Variants in PRKCH observed in about 807,000 individuals in gnomAD.
PRKCH encodes the protein protein kinase C eta.
In PRKCH, 28 loss-of-function variants were observed where a neutral mutation model predicts 82.5. The observed-to-expected ratio is 0.34, with a 90% CI of 0.25 to 0.47. The LOEUF (loss-of-function observed/expected upper bound fraction) is 0.47. Ranked by LOEUF, PRKCH falls within the 20% of genes least tolerant of loss-of-function variation. The pLI is 1.00. For missense variants in PRKCH, 705 were observed against 881.8 expected (o/e 0.80, Z 2.54); for synonymous variants, 322 against 327.4 (o/e 0.98, Z 0.18).
chr14:61,409,624 G>A lies in PRKCH; in HGVS notation c.427+18336G>A, dbSNP rs1882157825. 1.3e-5 allele frequency among the ~76,000 whole-genome samples: 2 copies of A among 148,816 alleles called. 1 individual carries two copies. The highest frequency in any genetic ancestry group is 4.3e-4 in the South Asian group (2 of 4,636). ...GCAAGAAGATTGCCTGAACCCAGAG[G>A]TTTGAGGCTGCAGTGAGCCATGATT... On this transcript the variant is annotated intron_variant, in intron 2 of 13. Coordinates refer to ENST00000332981, the MANE Select transcript of PRKCH (RefSeq NM_006255.5).
intron 1 of PRKCH, among the ~76,000 whole-genome samples, chr14:61,267,426 A>G: frequency 6.6e-6 from 1 of 152,264 alleles, no homozygotes; most frequent in East Asian, 1.9e-4. Context: ...GCATCCTTCC[A>G]GTGAGGTATA....
At chr14:61,311,506 C>T (rs934522678) in intron 1 of PRKCH, among the ~76,000 whole-genome samples, 1 of 152,188 alleles carries the variant, frequency 6.6e-6, no homozygotes, top group Non-Finnish European at 1.5e-5. Flanking sequence ...CAAACTATCC[C>T]ATATCTTCCT....
chr14:61,270,124 T>C (rs1169067567), intron 1 of PRKCH, among the ~76,000 whole-genome samples: 2 of 152,144 alleles, frequency 1.3e-5, no homozygotes, highest in Non-Finnish European at 2.9e-5. Flanking sequence ...ATTTCTGTCT[T>C]AGGGTTAATT....
At chr14:61,315,546 A>C (rs1566816304) in intron 1 of PRKCH, among the ~76,000 whole-genome samples, 1 of 152,292 alleles carries the variant, frequency 6.6e-6, no homozygotes, top group East Asian at 1.9e-4. Flanking sequence ...GAAGTGTACC[A>C]TGTGCCTGGC....
chr14:61,444,139 A>G (rs996028090), intron 3 of PRKCH, among the ~76,000 whole-genome samples: 2 of 152,184 alleles, frequency 1.3e-5, no homozygotes, highest in Non-Finnish European at 2.9e-5. Context: ...AACAGTCAGA[A>G]CCTAGGGCTA....
At chr14:61,279,606 G>A (rs1594887818) in intron 1 of PRKCH, 2 of 154,532 alleles carry the variant, frequency 1.3e-5, no homozygotes, top group Non-Finnish European at 2.9e-5. Flanking sequence ...GTCTCTGCAG[G>A]TAATTTGTGG....
intron 2 of PRKCH, among the ~76,000 whole-genome samples, chr14:61,411,413 T>G (rs1410647350): frequency 6.6e-6 from 1 of 152,188 alleles, no homozygotes; most frequent in Non-Finnish European, 1.5e-5. Flanking sequence ...ATTTTTCAGT[T>G]TAAAACCTAT....
At chr14:61,461,208 C>G (rs991327009) in intron 9 of PRKCH, among the ~76,000 whole-genome samples, 1 of 152,172 alleles carries the variant, frequency 6.6e-6, no homozygotes. Context: ...CCCTGGAGCT[C>G]CAGTTCTCCC....
At chr14:61,438,142 C>T (rs1470265297) in intron 2 of PRKCH, among the ~76,000 whole-genome samples, 1 of 151,978 alleles carries the variant, frequency 6.6e-6, no homozygotes, top group East Asian at 1.9e-4. Flanking sequence ...AACAACTTGC[C>T]CAGGGCCACC....
intron 2 of PRKCH, among the ~76,000 whole-genome samples, chr14:61,424,455 G>A (rs1883007227): frequency 6.6e-6 from 1 of 152,236 alleles, no homozygotes; most frequent in Non-Finnish European, 1.5e-5. Flanking sequence ...AGATGGAGAT[G>A]AGGAACTTCT....
At chr14:61,482,452 C>A (rs1013289243) in intron 9 of PRKCH, among the ~76,000 whole-genome samples, 4 of 152,234 alleles carry the variant, frequency 2.6e-5, no homozygotes, top group Admixed American at 1.3e-4. Context: ...GGTTTCCTCA[C>A]AGCAAAAACA....
intron 2 of PRKCH, among the ~76,000 whole-genome samples, chr14:61,420,985 G>A (rs1882808024): frequency 1.3e-5 from 2 of 152,006 alleles, no homozygotes; most frequent in Admixed American, 1.3e-4. Context: ...TTTGATTTAT[G>A]TAAATCTCTG....
At chr14:61,210,140 AT>A (rs1566781686) in intron 1 of PRKCH, among the ~76,000 whole-genome samples, 34 of 45,328 alleles carry the variant, frequency 7.5e-4, no homozygotes, top group South Asian at 1.6e-3. Flanking sequence ...ATATATATAT[AT>A]ATATATATAT....
At chr14:61,217,155 C>T (rs1181884858) in intron 1 of PRKCH, among the ~76,000 whole-genome samples, 1 of 152,108 alleles carries the variant, frequency 6.6e-6, no homozygotes, top group East Asian at 1.9e-4. Flanking sequence ...TTTGGGAGAT[C>T]GAGTCATGAA....
chr14:61,236,094 T>C (rs1203652787), intron 1 of PRKCH, among the ~76,000 whole-genome samples: 1 of 152,086 alleles, frequency 6.6e-6, no homozygotes. Context: ...GACTCCAAAT[T>C]CCGGTGGCTC....
At chr14:61,258,112 TC>T (rs1041776672) in intron 1 of PRKCH, among the ~76,000 whole-genome samples, 56 of 152,320 alleles carry the variant, frequency 3.7e-4, no homozygotes, top group Middle Eastern at 3.4e-3. Context: ...GTTAATTTGC[TC>T]TAGACCCCAA....
upstream of PRKCH, among the ~76,000 whole-genome samples, chr14:61,317,359 C>A (rs1291016334): frequency 6.6e-6 from 1 of 152,212 alleles, no homozygotes; most frequent in Non-Finnish European, 1.5e-5. Flanking sequence ...AACAGGCTTC[C>A]ACTCACAACT....
chr14:61,235,557 T>C (rs2044780788), intron 1 of PRKCH, among the ~76,000 whole-genome samples: 1 of 152,200 alleles, frequency 6.6e-6, no homozygotes, highest in African/African-American at 2.4e-5. Flanking sequence ...AGGGCAGATT[T>C]TCCCTTCTGT....
intron 1 of PRKCH, among the ~76,000 whole-genome samples, chr14:61,222,981 T>C (rs550364454): frequency 1.7e-3 from 255 of 152,296 alleles, no homozygotes; most frequent in African/African-American, 5.1e-3. Flanking sequence ...CCTTTTTTTT[T>C]CCCCTCTTCC....
Sources: allele counts gnomAD v4.1 joint callset (sites outside exome capture counted in the v4.1 genomes callset), GRCh38; gene constraint gnomAD v4.1.1; transcripts MANE v1.5; gene names NCBI Gene and HGNC (gene_info 2026-07-23, HGNC 2026-07-21).